ADAMTS10: variants seen among roughly 807,000 people sequenced by gnomAD.
ADAMTS10 encodes ADAM metallopeptidase with thrombospondin type 1 motif 10, also known as A disintegrin and metalloproteinase with thrombospondin motifs 10.
Under a neutral mutation model 135.9 loss-of-function variants are expected in ADAMTS10, and 48 were observed. The ratio of observed to expected loss-of-function variants is 0.35; its 90% confidence interval spans 0.28 to 0.45. The LOEUF (loss-of-function observed/expected upper bound fraction) is 0.45. Ranked by LOEUF, ADAMTS10 falls within the 20% of genes least tolerant of loss-of-function variation. The probability of loss-of-function intolerance (pLI) is 1.00; values close to 1 mark genes in which losing one functional copy is unlikely to be tolerated. For missense variants in ADAMTS10, 1,131 were observed against 1,565.2 expected (o/e 0.72, Z 4.68); for synonymous variants, 621 against 647.5 (o/e 0.96, Z 0.62).
chr19:8,595,890 G>A lies in ADAMTS10; in HGVS notation c.1351C>T (p.Leu451Phe), dbSNP rs574079824. 1 of 1,614,210 alleles carries A rather than the reference G, an allele frequency of 6.2e-7. No individual in the cohort carries two copies. Among genetic ancestry groups the A allele is most frequent in the South Asian group, 1.1e-5 (1 of 91,088 alleles). Residue 451 changes from leucine (L) to phenylalanine (F), a missense_variant, in exon 12 of 26, where the codon CTC (leucine) becomes TTC (phenylalanine). Transcript: ENST00000597188. The stretch of plus-strand genomic sequence containing the variant: ...CTGGGGGGCCGGTTGTTCAGGCAGA[G>A]CCCCAGGCCCGAGCTGCCTCGAGAG... ...ITSFLDSGLG[L>F]CLNNRPPRQD...
rs2042611977 is a variant in ADAMTS10, at chr19:8,596,927, A to C, written c.1040+60T>G. ...AGAAGTGATCTCTGTTTGGACTCTC[A>C]TGGTTCCCTGGACCATCTGTTTTCT... is the stretch of plus-strand genomic sequence containing the variant. On this transcript the variant is annotated intron_variant, in intron 8 of 25. Transcript: ENST00000597188. This position sits in a 1 kb window ranked among gnomAD's most constrained non-coding sequence, Gnocchi z 7.2. The C allele has an allele frequency of 6.2e-7, 1 of 1,603,006 alleles. No individual in the cohort carries two copies. The highest frequency in any genetic ancestry group is 1.3e-5 in the African/African-American group (1 of 74,800).
chr19:8,596,531 G>C lies in ADAMTS10; in HGVS notation c.1084+11C>G, dbSNP rs2042607696. 3.1e-6 allele frequency: 5 copies of C among 1,613,904 alleles called. No homozygotes were observed. The African/African-American group carries it at 5.3e-5, about 17-fold the overall frequency. ...CTTCATAGGCGCCTGAAACCTACGG[G>C]GCTCGGGTACCTAGTGTGCCGCAGG... On this transcript the variant is annotated intron_variant, in intron 9 of 25. Coordinates refer to ENST00000597188, the MANE Select transcript of ADAMTS10 (RefSeq NM_030957.4). The surrounding 1 kb of genome is among the most constrained non-coding windows in gnomAD (Gnocchi z 7.2).
intron 4 of ADAMTS10, 25 bp downstream of exon 4, chr19:8,604,987 C>T (rs2042703542): frequency 1.3e-6 from 2 of 1,570,884 alleles, no homozygotes; most frequent in Non-Finnish European, 1.7e-6. Context: ...GCATTTCCCC[C>T]CGCGTTCCAG....
rs2042416494 is a variant in ADAMTS10, at chr19:8,585,555, C to T, written c.2766G>A (p.Ala922=). ...GCTGCGGGCATGCGCTGTCGTCCAG[C>T]GCCTTCTCCTCCGCGGCAGAGACGC... The part of the protein sequence containing the change: ...QRRVSAAEEK[A]LDDSACPQPR... Residue 922 remains alanine, a synonymous_variant, in exon 23 of 26, where the codon GCG becomes GCA. Coordinates refer to ENST00000597188, the MANE Select transcript of ADAMTS10 (RefSeq NM_030957.4). The T allele has an allele frequency of 6.3e-7, 1 of 1,594,942 alleles. No individual in the cohort carries two copies. Among genetic ancestry groups the T allele is most frequent in the South Asian group, 1.1e-5 (1 of 88,988 alleles).
In ADAMTS10 at chr19:8,601,335, G is replaced by A. The variant is rs574300209; in HGVS notation, c.593-190C>T. On this transcript the variant is annotated intron_variant, in intron 5 of 25. Transcript: ENST00000597188. The surrounding 1 kb of genome is among the most constrained non-coding windows in gnomAD (Gnocchi z 4.6). ...TGATGGTCTGTCTGCCCAATGGGCT[G>A]CCAAACACCTCATCGTTTTTCTTAT... Among the ~76,000 whole-genome samples, 258 of 151,742 alleles carry A rather than the reference G, an allele frequency of 1.7e-3. No individual in the cohort carries two copies. Among genetic ancestry groups the A allele is most frequent in the African/African-American group, 5.5e-3 (228 of 41,328 alleles).
chr19:8,590,792 T>G (rs576404175), intron 15 of ADAMTS10, among the ~76,000 whole-genome samples: 2 of 151,328 alleles, frequency 1.3e-5, no homozygotes, highest in African/African-American at 4.9e-5. Context: ...GATGGGGTTT[T>G]GCCATGTTGG....
At chr19:8,602,157 A>C (rs2042675371) in intron 5 of ADAMTS10, among the ~76,000 whole-genome samples, 1 of 152,168 alleles carries the variant, frequency 6.6e-6, no homozygotes, top group Admixed American at 6.6e-5. Context: ...CTACAACCAG[A>C]TGGTCTCATG....
At chr19:8,592,691 CG>C (rs2042555174) in intron 13 of ADAMTS10, 71 bp downstream of exon 13, 1 of 1,422,264 alleles carries the variant, frequency 7.0e-7, no homozygotes, top group Non-Finnish European at 9.6e-7. Context: ...GAAGGACAGG[CG>C]GGTAGGCGTG....
At chr19:8,583,446 C>A (rs1568390391) in intron 25 of ADAMTS10, among the ~76,000 whole-genome samples, 1 of 151,980 alleles carries the variant, frequency 6.6e-6, no homozygotes. Flanking sequence ...GAGGCTGAGG[C>A]AGGAGAATCA....
intron 6 of ADAMTS10, among the ~76,000 whole-genome samples, chr19:8,600,651 A>G (rs1211235654): frequency 9.9e-5 from 15 of 151,620 alleles, no homozygotes; most frequent in Non-Finnish European, 2.2e-4. Flanking sequence ...GGCGCCCGCC[A>G]CCACACTCGG....
intron 2 of ADAMTS10, among the ~76,000 whole-genome samples, chr19:8,606,325 A>G (rs781804232): frequency 6.6e-6 from 1 of 152,098 alleles, no homozygotes; most frequent in Non-Finnish European, 1.5e-5. Flanking sequence ...AGCCTCCCAA[A>G]GCACTGGGAT....
At chr19:8,609,261 C>T (rs1170978757) in intron 1 of ADAMTS10, among the ~76,000 whole-genome samples, 1 of 120,484 alleles carries the variant, frequency 8.3e-6, no homozygotes, top group Non-Finnish European at 1.9e-5. Flanking sequence ...TGTGTGTGTA[C>T]CCAGGCCTGG....
rs1555674905 is a variant in ADAMTS10, at chr19:8,608,125, T to TG, written c.-100+8_-100+9insC. On this transcript the variant is annotated intron_variant, in intron 2 of 25. Transcript: ENST00000597188. Reference sequence around the variant, plus strand: ...CACCTGGCCTCTCTCTCCTTTTTATTTTTTTTACCTTTTGGGGGCTTCGGT... The same window carrying TG: ...CACCTGGCCTCTCTCTCCTTTTTATTGTTTTTTACCTTTTGGGGGCTTCGGT... The TG allele has an allele frequency of 0.92, 140,474 of 152,464 alleles. 65,225 individuals carry two copies. The highest frequency in any genetic ancestry group is 0.98 in the Non-Finnish European group (67,104 of 68,386). 9.4% of individuals were successfully genotyped at this position (152,464 alleles called of 1,614,324 possible).
At position 8,586,882 on chromosome 19, in the gene ADAMTS10, C is replaced by T. The variant is rs782059576; in HGVS notation, c.2173G>A (p.Val725Ile). The T allele has an allele frequency of 2.0e-5, 33 of 1,614,028 alleles. No homozygotes were observed. Among genetic ancestry groups the T allele is most frequent in the Non-Finnish European group, 1.8e-5 (21 of 1,180,032 alleles). Residue 725 changes from valine (V) to isoleucine (I), a missense_variant, in exon 19 of 26, where the codon GTC (valine) becomes ATC (isoleucine). Coordinates refer to ENST00000597188, the MANE Select transcript of ADAMTS10 (RefSeq NM_030957.4). ...ASPGAGYEDVVWIPKGSVHIF... is the reference protein window; with the variant it reads ...ASPGAGYEDVIWIPKGSVHIF... ...TGGACGGAGCCTTTGGGAATCCAGA[C>T]GACATCCTCGTACCCTGAACAGCAG...
intron 6 of ADAMTS10, among the ~76,000 whole-genome samples, chr19:8,599,828 T>C (rs998239808): frequency 6.6e-6 from 1 of 151,830 alleles, no homozygotes; most frequent in Non-Finnish European, 1.5e-5. Flanking sequence ...CAGGCTGCTG[T>C]GTACTTATTT....
Position 8,580,712 on chromosome 19 carries a change from G to A in ADAMTS10, c.*181C>T, listed in dbSNP as rs1365994328. The A allele has an allele frequency of 6.7e-6, 4 of 596,470 alleles. No individual in the cohort carries two copies. In the East Asian group the frequency reaches 1.1e-4, roughly 17 times the overall value. 36.9% of individuals were successfully genotyped at this position (596,470 alleles called of 1,614,324 possible). A position where few individuals can be genotyped will look rare whatever the true frequency, so the allele number is the denominator to read the frequency against. ...GGATGCTGAAGAGGGGCTCTGGGGG[G>A]ATAGCCAGCCCCTCTCCATCCCCCC... On this transcript the variant is annotated 3_prime_UTR_variant, in exon 26 of 26. Coordinates refer to ENST00000597188, the MANE Select transcript of ADAMTS10 (RefSeq NM_030957.4).
Position 8,595,756 on chromosome 19 carries a change from C to T in ADAMTS10, c.1479+6G>A. Reference sequence around the variant, plus strand: ...CCAGGAAGGAAAGCAGGAAGACTCTCTCTACCCCGTATTTACACTGACGCG... The same window carrying T: ...CCAGGAAGGAAAGCAGGAAGACTCTTTCTACCCCGTATTTACACTGACGCG... On this transcript the variant is annotated splice_donor_region_variant and intron_variant, in intron 12 of 25. Coordinates refer to ENST00000597188, the MANE Select transcript of ADAMTS10 (RefSeq NM_030957.4). 6.5e-7 allele frequency: 1 copy of T among 1,527,648 alleles called. No homozygotes were observed. Among genetic ancestry groups the T allele is most frequent in the Non-Finnish European group, 8.9e-7 (1 of 1,125,292 alleles). 94.6% of individuals were successfully genotyped at this position (1,527,648 alleles called of 1,614,324 possible).
At chr19:8,584,154 CAA>C (rs34412373) in intron 25 of ADAMTS10, among the ~76,000 whole-genome samples, 1,085 of 44,690 alleles carry the variant, frequency 0.024, 5 homozygotes, top group African/African-American at 0.05. Flanking sequence ...GACTCCATCT[CAA>C]AAAAAAAAAA....
rs782333144 is a variant in ADAMTS10, at chr19:8,591,853, C to G, written c.1744G>C (p.Gly582Arg). ...CTCTCACCCAGACAGTACTTGCCCC[C>G]GATGGTTGGCCTGGAAAGGGTGGTG... ...RHCDSPRPTI[G>R]GKYCLGERRR... The change falls in exon 15 of 26, where the codon GGG becomes CGG. Residue 582 changes from glycine (G) to arginine (R), a missense_variant. Gly to Arg is a moderately radical substitution (Grantham distance 125). This residue lies in a region of ADAMTS10 where 745 missense variants were observed against 1,056.3 expected (regional missense o/e 0.71). Transcript: ENST00000597188. The G allele has an allele frequency of 1.2e-6, 2 of 1,613,614 alleles. No individual in the cohort carries two copies. Among genetic ancestry groups the G allele is most frequent in the Non-Finnish European group, 1.7e-6 (2 of 1,180,022 alleles).
Sources: allele counts gnomAD v4.1 joint callset (sites outside exome capture counted in the v4.1 genomes callset), GRCh38; gene constraint gnomAD v4.1.1; regional missense constraint gnomAD v4.1.1; non-coding constraint Gnocchi (gnomAD v3.1); transcripts MANE v1.5; gene names NCBI Gene and HGNC (gene_info 2026-07-23, HGNC 2026-07-21).